The following KCNU1 variants were observed in gnomAD, a reference collection of about 807,000 sequenced individuals.
KCNU1 encodes the protein potassium calcium-activated channel subfamily U member 1, also known as potassium channel subfamily U member 1.
In KCNU1, 93 loss-of-function variants were observed where a neutral mutation model predicts 126.8. The observed-to-expected ratio is 0.73, with a 90% confidence interval of 0.62 to 0.87. The LOEUF (loss-of-function observed/expected upper bound fraction) is 0.87, where lower values mean the gene tolerates loss of function less well. Among genes scored for constraint, KCNU1 ranks in the 40% least tolerant of loss-of-function variants. The pLI, the probability that KCNU1 is intolerant of heterozygous loss-of-function variation, is 0.00. For synonymous variants in KCNU1, 523 were observed against 494.2 expected (o/e 1.06, Z -0.77); for missense variants, 1,330 against 1,367.1 (o/e 0.97, Z 0.43).
intron 19 of KCNU1, among the ~76,000 whole-genome samples, chr8:36,883,699 G>A (rs1806581191): frequency 6.6e-6 from 1 of 152,170 alleles, no homozygotes; most frequent in Non-Finnish European, 1.5e-5. Flanking sequence ...GCTGATGTGG[G>A]AGGATCATTT....
At chr8:36,852,506 A>AT (rs1254359147) in intron 18 of KCNU1, among the ~76,000 whole-genome samples, 2 of 152,228 alleles carry the variant, frequency 1.3e-5, no homozygotes, top group Non-Finnish European at 2.9e-5. Context: ...CTAACTTAAC[A>AT]TTTTTTATTA....
At position 36,793,621 on chromosome 8, in the gene KCNU1, T is replaced by C. The variant is rs575674923; in HGVS notation, c.315+6196T>C. Among the ~76,000 whole-genome samples, 13 of 152,304 alleles carry C rather than the reference T, an allele frequency of 8.5e-5. No homozygotes were observed. In the East Asian group the frequency reaches 1.2e-3, roughly 14 times the overall value. On this transcript the variant is annotated intron_variant, in intron 2 of 26. Transcript: ENST00000399881. ...CTCCAATTTTTCCGCTTGTTTATTA[T>C]TGGAAACAATATTTGTTAGGGGCAT... is the stretch of plus-strand genomic sequence containing the variant.
chr8:36,905,726 A>G lies in KCNU1; in HGVS notation c.2028A>G (p.Val676=). 1.3e-6 allele frequency: 2 copies of G among 1,597,774 alleles called. No individual in the cohort carries two copies. Among genetic ancestry groups the G allele is most frequent in the Non-Finnish European group, 1.7e-6 (2 of 1,165,544 alleles). Reference sequence around the variant, plus strand: ...TATTTAGGACTCTTCAACATGATGTAGAACAAGATTCTGACCAGCTTGATA... The same window carrying G: ...TATTTAGGACTCTTCAACATGATGTGGAACAAGATTCTGACCAGCTTGATA... The part of the protein sequence containing the change: ...NFTTRTLQHD[V]EQDSDQLDSS... Residue 676 remains valine (V), a synonymous_variant, in exon 20 of 27, where the codon GTA becomes GTG. Coordinates refer to ENST00000399881, the MANE Select transcript of KCNU1 (RefSeq NM_001031836.3).
intron 16 of KCNU1, among the ~76,000 whole-genome samples, chr8:36,842,717 C>T (rs1048278136): frequency 6.6e-6 from 1 of 152,192 alleles, no homozygotes; most frequent in African/African-American, 2.4e-5. Context: ...TTTGCCCAGG[C>T]TGGAGTGCAA....
At chr8:36,809,732 T>C (rs1180489783) in intron 7 of KCNU1, among the ~76,000 whole-genome samples, 1 of 152,188 alleles carries the variant, frequency 6.6e-6, no homozygotes, top group Admixed American at 6.5e-5. Context: ...TTAGTGTCCC[T>C]GTAGAAACCT....
Position 36,840,853 on chromosome 8 carries a change from G to T in KCNU1, c.1632-79G>T, listed in dbSNP as rs1804923930. 5 of 990,100 alleles carry T rather than the reference G, an allele frequency of 5.0e-6. No homozygotes were observed. In the Admixed American group the frequency reaches 5.3e-5, roughly 11 times the overall value. The allele number at this position is 990,100 out of a possible 1,614,324, so 61.3% of individuals were successfully genotyped here. A position where few individuals can be genotyped will look rare whatever the true frequency, so the allele number is the denominator to read the frequency against. On this transcript the variant is annotated intron_variant, in intron 15 of 26. Coordinates refer to ENST00000399881, the MANE Select transcript of KCNU1 (RefSeq NM_001031836.3). The stretch of plus-strand genomic sequence containing the variant: ...CTCTAAGATGTTGGTTTCCTCCTAG[G>T]CACAGAGCACAGAGTGTTAGTTATT...
intron 10 of KCNU1, among the ~76,000 whole-genome samples, chr8:36,832,914 C>T (rs947464541): frequency 1.2e-4 from 18 of 152,022 alleles, no homozygotes; most frequent in African/African-American, 4.3e-4. Flanking sequence ...TTCTTCCAAG[C>T]TCATAATATT....
intron 9 of KCNU1, 43 bp downstream of exon 9, chr8:36,815,730 C>G: frequency 8.8e-7 from 1 of 1,131,742 alleles, no homozygotes; most frequent in Non-Finnish European, 1.3e-6. Flanking sequence ...TTAAGAAATT[C>G]TATTAGCCAT....
Position 36,841,709 on chromosome 8 carries a change from T to A in KCNU1, c.1703+706T>A, listed in dbSNP as rs962181754. ...AGACTCTGTCTCCAAAAAATAATTTTAAAAAAAGTACAGGACAAACTATGG... is the reference window on the plus strand; with the variant it reads ...AGACTCTGTCTCCAAAAAATAATTTAAAAAAAAGTACAGGACAAACTATGG... On this transcript the variant is annotated intron_variant, in intron 16 of 26. Coordinates refer to ENST00000399881, the MANE Select transcript of KCNU1 (RefSeq NM_001031836.3). Among the ~76,000 whole-genome samples the A allele has an allele frequency of 7.2e-5, 11 of 151,912 alleles. No individual in the cohort carries two copies. In the South Asian group the frequency reaches 1.5e-3, roughly 20 times the overall value.
chr8:36,878,165 A>G (rs1405886479), intron 19 of KCNU1, among the ~76,000 whole-genome samples: 5 of 152,214 alleles, frequency 3.3e-5, no homozygotes, highest in African/African-American at 1.2e-4. Context: ...CTGATTTAGC[A>G]ATAAAAGTAT....
intron 10 of KCNU1, among the ~76,000 whole-genome samples, chr8:36,819,879 A>G (rs1804057481): frequency 6.6e-6 from 1 of 152,080 alleles, no homozygotes; most frequent in Non-Finnish European, 1.5e-5. Flanking sequence ...CTCCCTTTGA[A>G]TCTGGGCTGA....
At chr8:36,791,907 T>G (rs1479340144) in intron 2 of KCNU1, among the ~76,000 whole-genome samples, 8 of 152,186 alleles carry the variant, frequency 5.3e-5, no homozygotes, top group Non-Finnish European at 8.8e-5. Flanking sequence ...ATTCCATATT[T>G]TATATTGAAT....
Position 36,895,340 on chromosome 8 carries a change from A to G in KCNU1, c.2010-10368A>G, listed in dbSNP as rs1238314162. 2.0e-5 allele frequency among the ~76,000 whole-genome samples: 3 copies of G among 152,120 alleles called. No individual in the cohort carries two copies. The East Asian group carries it at 5.8e-4, about 30-fold the overall frequency. On this transcript the variant is annotated intron_variant, in intron 19 of 26. Transcript: ENST00000399881. ...GTAATCTGCCCCCCTCAGCCTCCCA[A>G]AGTGCTGGGATTGCAAGCATGAGCC...
intron 24 of KCNU1, among the ~76,000 whole-genome samples, chr8:36,928,073 T>C (rs1808587770): frequency 1.3e-5 from 2 of 151,436 alleles, no homozygotes; most frequent in Non-Finnish European, 2.9e-5. Context: ...AAAGAGATAT[T>C]GAGAAAGGTC....
intron 19 of KCNU1, among the ~76,000 whole-genome samples, chr8:36,881,563 AT>A (rs1386273701): frequency 6.6e-6 from 1 of 151,806 alleles, no homozygotes; most frequent in Non-Finnish European, 1.5e-5. Context: ...GAAACATGAA[AT>A]TTTCCTCACC....
chr8:36,833,036 G>C (rs1379385922), intron 10 of KCNU1, among the ~76,000 whole-genome samples: 1 of 151,932 alleles, frequency 6.6e-6, no homozygotes, highest in Non-Finnish European at 1.5e-5. Context: ...TAATAACTTT[G>C]TTTTTGTAAT....
At chr8:36,931,704 T>C (rs1397535675) in intron 25 of KCNU1, among the ~76,000 whole-genome samples, 1 of 152,046 alleles carries the variant, frequency 6.6e-6, no homozygotes, top group African/African-American at 2.4e-5. Context: ...CTACTCTCCC[T>C]ATACTTAAAA....
At chr8:36,914,518 TA>T (rs1176910415) in intron 22 of KCNU1, among the ~76,000 whole-genome samples, 1 of 152,052 alleles carries the variant, frequency 6.6e-6, no homozygotes, top group East Asian at 1.9e-4. Context: ...GTAGTAATGA[TA>T]AACATAAATG....
chr8:36,850,106 A>G (rs929038739), intron 18 of KCNU1, among the ~76,000 whole-genome samples: 1 of 152,194 alleles, frequency 6.6e-6, no homozygotes, highest in Non-Finnish European at 1.5e-5. Context: ...GACCATTTAC[A>G]TATCTTCTTT....
Sources: gnomAD v4.1 joint callset for allele counts (sites outside exome capture counted in the v4.1 genomes callset) on GRCh38, gnomAD v4.1.1 for gene constraint, MANE v1.5 for transcripts, NCBI Gene and HGNC (gene_info 2026-07-23, HGNC 2026-07-21) for gene names.